TNKS: variants seen among roughly 807,000 people sequenced by gnomAD.
TNKS encodes poly [ADP-ribose] polymerase tankyrase-1.
In TNKS, 72 loss-of-function variants were observed where a neutral mutation model predicts 135.8. The observed-to-expected ratio is 0.53, with a 90% CI of 0.44 to 0.64. The LOEUF is 0.64. TNKS is among the 30% of genes least tolerant of loss of function. The probability of loss-of-function intolerance (pLI) is 0.00; values close to 1 mark genes in which losing one functional copy is unlikely to be tolerated. For synonymous variants in TNKS, 849 were observed against 649.3 expected, an observed-to-expected ratio of 1.31 and a Z score of -4.68; for missense variants, 1,769 against 1,674.0, an observed-to-expected ratio of 1.06 and a Z score of -0.99.
At chr8:9,680,463 A>C (rs1195767520) in intron 4 of TNKS, among the ~76,000 whole-genome samples, 1 of 152,160 alleles carries the variant, frequency 6.6e-6, no homozygotes, top group Non-Finnish European at 1.5e-5. Context: ...GTTTGTTTGT[A>C]ATTAAGAAGA....
At position 9,680,781 on chromosome 8, in the gene TNKS, A is replaced by G; in HGVS notation, c.1088A>G (p.His363Arg). The G allele has an allele frequency of 6.2e-7, 1 of 1,612,464 alleles. No individual in the cohort carries two copies. The highest frequency in any genetic ancestry group is 8.5e-7 in the Non-Finnish European group (1 of 1,178,992). Residue 363 changes from histidine to arginine, a missense_variant, in exon 5 of 27, where the codon CAT becomes CGT. By Grantham distance (29) the His-to-Arg change is conservative (BLOSUM62 0). Coordinates refer to ENST00000310430, the MANE Select transcript of TNKS (RefSeq NM_003747.3). ...CTGACTCCTCTAAATGTGAATTGCCATGCAAGTGATGGGCGAAAGGTAAGT... is the reference window on the plus strand; with the variant it reads ...CTGACTCCTCTAAATGTGAATTGCCGTGCAAGTGATGGGCGAAAGGTAAGT... ...ALLTPLNVNC[H>R]ASDGRKSTPL... is the part of the protein sequence containing the mutation.
chr8:9,717,103 T>TATATATA (rs1554476739), intron 11 of TNKS, among the ~76,000 whole-genome samples: 63 of 39,318 alleles, frequency 1.6e-3, no homozygotes, highest in African/African-American at 3.7e-3. Flanking sequence ...ATATATATAT[T>TATATATA]TTCAGGGAAT....
Position 9,556,007 on chromosome 8 carries a change from G to A in TNKS, c.68G>A (p.Gly23Glu). The change falls in exon 1 of 27, where the codon GGG (glycine) becomes GAG (glutamate). Residue 23 changes from glycine to glutamate, a missense_variant. Gly to Glu is a moderately conservative substitution (Grantham distance 98, BLOSUM62 -2). This residue lies in a region of TNKS where 450 missense variants were observed against 304.9 expected (regional missense o/e 1.48). Coordinates refer to ENST00000310430, the MANE Select transcript of TNKS (RefSeq NM_003747.3). ...HHQQQLQPAPGASAPPPPPPP... is the reference protein window; with the variant it reads ...HHQQQLQPAPEASAPPPPPPP... ...CAACAACAGCTCCAGCCCGCCCCAG[G>A]GGCTTCAGCGCCGCCGCCGCCACCT... The A allele has an allele frequency of 1.2e-6, 2 of 1,613,110 alleles. No homozygotes were observed. The highest frequency in any genetic ancestry group is 1.7e-6 in the Non-Finnish European group (2 of 1,179,838).
intron 3 of TNKS, among the ~76,000 whole-genome samples, chr8:9,659,771 C>G (rs1320210662): frequency 1.3e-5 from 2 of 151,942 alleles, no homozygotes; most frequent in Admixed American, 6.6e-5. Flanking sequence ...CACAAAAAAC[C>G]GTTCAAAAAA....
chr8:9,767,551 A>T (rs762000389), intron 25 of TNKS, among the ~76,000 whole-genome samples: 4 of 152,160 alleles, frequency 2.6e-5, no homozygotes, highest in African/African-American at 9.7e-5. Context: ...TTGACCTTAA[A>T]ACTTATCTCT....
chr8:9,752,711 A>G, intron 20 of TNKS, 85 bp downstream of exon 20: 1 of 894,358 alleles, frequency 1.1e-6, no homozygotes, highest in South Asian at 1.7e-5. Flanking sequence ...TACTCCCAAC[A>G]CTTTGGAATG....
At chr8:9,651,076 C>G (rs933502750) in intron 3 of TNKS, among the ~76,000 whole-genome samples, 2 of 152,048 alleles carry the variant, frequency 1.3e-5, no homozygotes, top group Non-Finnish European at 2.9e-5. Context: ...CTACGGTGTC[C>G]TTTCTTCACC....
chr8:9,706,718 T>C, intron 7 of TNKS, 93 bp from the exon 8 acceptor site: 1 of 1,218,132 alleles, frequency 8.2e-7, no homozygotes, highest in Middle Eastern at 2.2e-4. Context: ...GAACAAGTTA[T>C]AACTGAAATT....
intron 25 of TNKS, 58 bp downstream of exon 25, chr8:9,766,483 CTTTTTTT>C (rs61212620): frequency 4.5e-5 from 40 of 890,660 alleles, no homozygotes; most frequent in South Asian, 1.4e-4. Context: ...ACCAAATTGT[CTTTTTTT>C]TTTTTTTTTT....
intron 5 of TNKS, among the ~76,000 whole-genome samples, chr8:9,700,620 T>C (rs1326843307): frequency 6.6e-6 from 1 of 152,058 alleles, no homozygotes; most frequent in African/African-American, 2.4e-5. Context: ...TCTTTTTTTT[T>C]TTCTGTTGTT....
At chr8:9,705,150 C>T (rs1003649819) in intron 6 of TNKS, among the ~76,000 whole-genome samples, 7 of 152,054 alleles carry the variant, frequency 4.6e-5, no homozygotes, top group Non-Finnish European at 7.4e-5. Context: ...CATAAGTATA[C>T]AATACCAAAT....
chr8:9,560,493 C>CTCTTTT (rs1797281030), intron 1 of TNKS, among the ~76,000 whole-genome samples: 7 of 42,286 alleles, frequency 1.7e-4, no homozygotes, highest in African/African-American at 8.5e-4. Context: ...CCATACTTGT[C>CTCTTTT]TTTTTTTTTT....
chr8:9,621,516 G>A (rs530267543), intron 3 of TNKS, among the ~76,000 whole-genome samples: 1 of 152,240 alleles, frequency 6.6e-6, no homozygotes, highest in African/African-American at 2.4e-5. Context: ...ATGTTGGTCA[G>A]GCTAGTCTCG....
intron 12 of TNKS, among the ~76,000 whole-genome samples, chr8:9,722,930 A>T (rs1212272791): frequency 7.0e-6 from 1 of 143,316 alleles, no homozygotes; most frequent in Non-Finnish European, 1.5e-5. Context: ...GTTAGAATAT[A>T]TGAGTTCTGG....
chr8:9,682,833 T>C (rs1467856395), intron 5 of TNKS, among the ~76,000 whole-genome samples: 2 of 151,714 alleles, frequency 1.3e-5, no homozygotes, highest in Non-Finnish European at 2.9e-5. Context: ...TAATTTATTT[T>C]GGGGTACTGT....
At position 9,666,951 on chromosome 8, in the gene TNKS, A is replaced by C. The variant is rs184545225; in HGVS notation, c.995-13000A>C. On this transcript the variant is annotated intron_variant, in intron 3 of 26. Transcript: ENST00000310430. ...TATTTCATAAAGAAATTCTATCAAGAAAAGAGAAATTAAAATGCTAAATTA... is the reference window on the plus strand; with the variant it reads ...TATTTCATAAAGAAATTCTATCAAGCAAAGAGAAATTAAAATGCTAAATTA... Among the ~76,000 whole-genome samples the C allele has an allele frequency of 7.8e-3, 1,188 of 152,278 alleles. 9 individuals are homozygous for C. The highest frequency in any genetic ancestry group is 0.047 in the South Asian group (225 of 4,822).
intron 2 of TNKS, among the ~76,000 whole-genome samples, chr8:9,595,491 A>G (rs1412653338): frequency 6.6e-6 from 1 of 151,976 alleles, no homozygotes; most frequent in Non-Finnish European, 1.5e-5. Context: ...GTGTGCATTT[A>G]CCTGATAAAA....
chr8:9,647,303 G>A (rs1293442994), intron 3 of TNKS, among the ~76,000 whole-genome samples: 2 of 152,132 alleles, frequency 1.3e-5, no homozygotes, highest in South Asian at 4.1e-4. Flanking sequence ...TTGTTGCTGA[G>A]TACAAGGGAT....
chr8:9,591,148 A>G (rs1291956686), intron 2 of TNKS, among the ~76,000 whole-genome samples: 2 of 152,202 alleles, frequency 1.3e-5, no homozygotes, highest in African/African-American at 4.8e-5. Context: ...GTTGTTCATA[A>G]TATTCCTTTA....
Sources: allele counts gnomAD v4.1 joint callset (sites outside exome capture counted in the v4.1 genomes callset), GRCh38; gene constraint gnomAD v4.1.1; regional missense constraint gnomAD v4.1.1; transcripts MANE v1.5; gene names NCBI Gene and HGNC (gene_info 2026-07-23, HGNC 2026-07-21).